MTOR: variants seen among roughly 807,000 people sequenced by gnomAD.
MTOR encodes serine/threonine-protein kinase mTOR.
In MTOR, 70 loss-of-function variants were observed where a neutral mutation model predicts 319.8. The observed-to-expected ratio is 0.22, with a 90% CI of 0.18 to 0.27. The LOEUF (loss-of-function observed/expected upper bound fraction) is 0.27, where lower values mean the gene tolerates loss of function less well. Ranked by LOEUF, MTOR falls within the 10% of genes least tolerant of loss-of-function variation. The probability of loss-of-function intolerance (pLI) is 1.00; values close to 1 mark genes in which losing one functional copy is unlikely to be tolerated. For synonymous variants in MTOR, 1,183 were observed against 1,211.4 expected, an observed-to-expected ratio of 0.98 and a Z score of 0.49; for missense variants, 1,890 against 3,274.4, an observed-to-expected ratio of 0.58 and a Z score of 10.32.
intron 23 of MTOR, among the ~76,000 whole-genome samples, chr1:11,211,272 C>T (rs1646302820): frequency 6.6e-6 from 1 of 152,154 alleles, no homozygotes; most frequent in South Asian, 2.1e-4. Flanking sequence ...TTACAATGGC[C>T]CACAATAGTG....
At chr1:11,168,633 C>T (rs1324461783) in intron 28 of MTOR, among the ~76,000 whole-genome samples, 1 of 152,194 alleles carries the variant, frequency 6.6e-6, no homozygotes, top group Non-Finnish European at 1.5e-5. Context: ...TTGAACTGGC[C>T]TCTACTGTAG....
chr1:11,245,647 C>T (rs964325484), intron 8 of MTOR, among the ~76,000 whole-genome samples: 6 of 152,118 alleles, frequency 3.9e-5, no homozygotes, highest in Admixed American at 2.0e-4. Context: ...GTCTGTAATC[C>T]CAAGCACTTT....
intron 8 of MTOR, among the ~76,000 whole-genome samples, chr1:11,244,130 T>C (rs1159094310): frequency 6.6e-6 from 1 of 151,456 alleles, no homozygotes; most frequent in East Asian, 1.9e-4. Context: ...CCATCTCTAC[T>C]AAAAATACAA....
rs187710610 is a variant in MTOR, at chr1:11,122,404, T to C, written c.6663-278A>G. Among the ~76,000 whole-genome samples the C allele has an allele frequency of 5.9e-5, 9 of 151,892 alleles. No homozygotes were observed. The East Asian group carries it at 1.2e-3, about 20-fold the overall frequency. On this transcript the variant is annotated intron_variant, in intron 47 of 57. Transcript: ENST00000361445. ...TTTTTGGTAGAGACGGATTTCACCA[T>C]GTTGGCCAGGATGGTCTCAATCTCT...
intron 1 of MTOR, among the ~76,000 whole-genome samples, chr1:11,261,217 C>T (rs1021924881): frequency 2.0e-5 from 3 of 149,102 alleles, no homozygotes; most frequent in South Asian, 4.4e-4. Context: ...AGTTCCTGGC[C>T]GGGTTTGGGA....
chr1:11,141,435 C>T (rs1397825802), intron 34 of MTOR, among the ~76,000 whole-genome samples: 1 of 152,026 alleles, frequency 6.6e-6, no homozygotes, highest in Non-Finnish European at 1.5e-5. Context: ...GTGGCTCGGT[C>T]TCGGCTCACT....
intron 8 of MTOR, among the ~76,000 whole-genome samples, chr1:11,245,128 T>C (rs192229306): frequency 6.6e-6 from 1 of 152,338 alleles, no homozygotes; most frequent in Admixed American, 6.5e-5. Context: ...TAGTCTATAA[T>C]TTGGAAAGCC....
chr1:11,139,690 T>G (rs1643596617), intron 34 of MTOR, 32 bp from the exon 35 acceptor site: 9 of 1,613,638 alleles, frequency 5.6e-6, no homozygotes, highest in African/African-American at 1.3e-5. Flanking sequence ...ATTAGATATG[T>G]CTTCTGATAC....
chr1:11,212,953 A>G lies in MTOR; in HGVS notation c.3286-45T>C. 2 of 1,475,696 alleles carry G rather than the reference A, an allele frequency of 1.4e-6. No homozygotes were observed. Among genetic ancestry groups the G allele is most frequent in the Non-Finnish European group, 1.9e-6 (2 of 1,054,534 alleles). The allele number at this position is 1,475,696 out of a possible 1,614,324, so 91.4% of individuals were successfully genotyped here. A position where few individuals can be genotyped will look rare whatever the true frequency, so the allele number is the denominator to read the frequency against. ...CATGGTGATGAATAGTCAGGTCCCA[A>G]GTATCTAAGGACACGCAGCGGGTGG... is the stretch of plus-strand genomic sequence containing the variant. On this transcript the variant is annotated intron_variant, in intron 21 of 57. Coordinates refer to ENST00000361445, the MANE Select transcript of MTOR (RefSeq NM_004958.4). This position sits in a 1 kb window ranked among gnomAD's most constrained non-coding sequence, Gnocchi z 4.1.
intron 31 of MTOR, among the ~76,000 whole-genome samples, chr1:11,147,631 T>C (rs1643979393): frequency 6.6e-6 from 1 of 152,182 alleles, no homozygotes; most frequent in Admixed American, 6.5e-5. Context: ...AGGAAGCAAT[T>C]TGTTTTTGAA....
chr1:11,248,515 G>A (rs1349153590), intron 6 of MTOR, among the ~76,000 whole-genome samples: 2 of 152,178 alleles, frequency 1.3e-5, no homozygotes, highest in East Asian at 3.9e-4. Flanking sequence ...AGAAACCCAG[G>A]TAAAAACTTA....
intron 28 of MTOR, chr1:11,193,607 G>A (rs779424721): frequency 2.1e-5 from 34 of 1,605,920 alleles, no homozygotes; most frequent in East Asian, 2.0e-4. Flanking sequence ...GACTTCAGGC[G>A]GAGGCTGGAC....
At chr1:11,234,812 C>T (rs181709449) in intron 13 of MTOR, among the ~76,000 whole-genome samples, 5 of 152,120 alleles carry the variant, frequency 3.3e-5, no homozygotes, top group Admixed American at 1.3e-4. Context: ...CAGGATCCCC[C>T]GAAGCCTTAC....
intron 1 of MTOR, among the ~76,000 whole-genome samples, chr1:11,262,237 C>T (rs1317438988): frequency 2.6e-5 from 4 of 152,204 alleles, no homozygotes; most frequent in Non-Finnish European, 5.9e-5. Flanking sequence ...GCCGAAGGGT[C>T]CAGGGGTCTC....
chr1:11,258,440 C>G (rs1172072595), intron 3 of MTOR, 45 bp downstream of exon 3: 2 of 1,373,706 alleles, frequency 1.5e-6, no homozygotes, highest in African/African-American at 1.4e-5. Context: ...GCAGTGGGCA[C>G]AAAGGTGAGT....
At chr1:11,185,413 CA>C (rs35733842) in intron 28 of MTOR, among the ~76,000 whole-genome samples, 46,799 of 105,274 alleles carry the variant, frequency 0.44, 9,654 homozygotes, top group African/African-American at 0.67. Flanking sequence ...CCCATCACTA[CA>C]AAAAAAAAAA....
rs773917708 is a variant in MTOR at position 11,259,347 on chromosome 1, G to T, written c.63C>A (p.Val21=). The T allele has an allele frequency of 1.2e-6, 2 of 1,610,112 alleles. No homozygotes were observed. The highest frequency in any genetic ancestry group is 4.5e-5 in the East Asian group (2 of 44,622). ...TTAGGCCACTGGCAAACTGCTGCAG[G>T]ACGCTCACATTGCTAGATGTGGTGG... The part of the protein sequence containing the change: ...TAATTSSNVS[V]LQQFASGLKS... Residue 21 remains valine (V), a synonymous_variant, in exon 2 of 58, where the codon GTC becomes GTA. Transcript: ENST00000361445.
At chr1:11,141,274 G>A (rs1194753188) in intron 34 of MTOR, among the ~76,000 whole-genome samples, 1 of 151,722 alleles carries the variant, frequency 6.6e-6, no homozygotes, top group African/African-American at 2.4e-5. Flanking sequence ...CATCACATCT[G>A]GCTAATTTTT....
At chr1:11,232,413 A>T (rs1424614226) in intron 16 of MTOR, 23 bp downstream of exon 16, 1 of 1,588,504 alleles carries the variant, frequency 6.3e-7, no homozygotes, top group African/African-American at 1.3e-5. Context: ...TGTCTTGCTC[A>T]ATCAGGAAGC....
Sources: gnomAD v4.1 joint callset for allele counts (sites outside exome capture counted in the v4.1 genomes callset) on GRCh38, gnomAD v4.1.1 for gene constraint, Gnocchi (gnomAD v3.1) non-coding constraint, MANE v1.5 for transcripts, NCBI Gene and HGNC (gene_info 2026-07-23, HGNC 2026-07-21) for gene names.